MARCHF1: variants seen among roughly 807,000 people sequenced by gnomAD.
MARCHF1 encodes the protein E3 ubiquitin-protein ligase MARCHF1.
A neutral mutation model predicts 54.2 loss-of-function variants in MARCHF1; 40 were observed. The ratio of observed to expected loss-of-function variants is 0.74; its 90% CI spans 0.57 to 0.96. The LOEUF (loss-of-function observed/expected upper bound fraction) is 0.96. MARCHF1 is among the 40% of genes least tolerant of loss of function. The pLI, the probability that MARCHF1 is intolerant of heterozygous loss-of-function variation, is 0.00. For synonymous variants in MARCHF1, 236 were observed against 236.3 expected, an observed-to-expected ratio of 1.00 and a Z score of 0.01; for missense variants, 586 against 656.5, an observed-to-expected ratio of 0.89 and a Z score of 1.17.
chr4:163,774,157 TTA>T (rs1436798616), intron 4 of MARCHF1, among the ~76,000 whole-genome samples: 1 of 152,194 alleles, frequency 6.6e-6, no homozygotes, highest in Non-Finnish European at 1.5e-5. Context: ...GCATATCCTC[TTA>T]TATATTTAAA....
At chr4:164,356,547 A>G (rs1730543630) in intron 1 of MARCHF1, among the ~76,000 whole-genome samples, 2 of 131,118 alleles carry the variant, frequency 1.5e-5, no homozygotes, top group Admixed American at 7.7e-5. Context: ...ATTCTCACTC[A>G]TAGGTGGGAA....
rs780920282 is a variant in MARCHF1 at position 164,360,971 on chromosome 4, A to T, written c.-323+22899T>A. On this transcript the variant is annotated intron_variant, in intron 1 of 9. Transcript: ENST00000514618. ...GCATGGGTTCTGTATGCAGAATTTT[A>T]AAATTACATACACAACACTGTACCA... 4.5e-3 allele frequency among the ~76,000 whole-genome samples: 248 copies of T among 54,762 alleles called. 1 individual carries two copies. Among genetic ancestry groups the T allele is most frequent in the Non-Finnish European group, 0.012 (211 of 17,630 alleles). The allele number at this position is 54,762 out of a possible 152,430, so 35.9% of individuals were successfully genotyped here.
At chr4:164,135,155 T>C (rs1456149272) in intron 1 of MARCHF1, among the ~76,000 whole-genome samples, 2 of 152,210 alleles carry the variant, frequency 1.3e-5, no homozygotes, top group Non-Finnish European at 2.9e-5. Flanking sequence ...TTAGAAATAC[T>C]GGAGACACAC....
intron 4 of MARCHF1, among the ~76,000 whole-genome samples, chr4:163,820,167 G>GT (rs1226165989): frequency 2.0e-5 from 3 of 152,060 alleles, no homozygotes; most frequent in South Asian, 2.1e-4. Context: ...CACTGAAATA[G>GT]TTTTTTTGTG....
At chr4:163,785,663 A>G (rs182486453) in intron 4 of MARCHF1, among the ~76,000 whole-genome samples, 67 of 152,196 alleles carry the variant, frequency 4.4e-4, no homozygotes, top group African/African-American at 1.5e-3. Flanking sequence ...AGAATAATAT[A>G]TAATAGCTAA....
intron 8 of MARCHF1, among the ~76,000 whole-genome samples, chr4:163,558,249 A>C (rs1739355532): frequency 6.6e-6 from 1 of 152,188 alleles, no homozygotes; most frequent in East Asian, 1.9e-4. Context: ...ATGTGCAGGG[A>C]GAAGTAGAAA....
At chr4:163,608,557 A>T (rs1360375441) in intron 7 of MARCHF1, among the ~76,000 whole-genome samples, 1 of 152,122 alleles carries the variant, frequency 6.6e-6, no homozygotes, top group African/African-American at 2.4e-5. Flanking sequence ...CCTTTTAATT[A>T]AATGCAATTC....
chr4:163,551,998 G>T (rs147053780), intron 8 of MARCHF1, among the ~76,000 whole-genome samples: 44 of 152,196 alleles, frequency 2.9e-4, no homozygotes, highest in African/African-American at 6.5e-4. Flanking sequence ...GTACATGAAG[G>T]CTTTCTTACT....
intron 2 of MARCHF1, among the ~76,000 whole-genome samples, chr4:164,002,390 C>A (rs1753202673): frequency 6.6e-6 from 1 of 151,274 alleles, no homozygotes. Context: ...AAAAGAACAA[C>A]ATGGAACTTT....
At chr4:163,607,570 C>T (rs1483352562) in intron 7 of MARCHF1, among the ~76,000 whole-genome samples, 1 of 152,008 alleles carries the variant, frequency 6.6e-6, no homozygotes, top group East Asian at 1.9e-4. Flanking sequence ...GGTGACACAA[C>T]CCATGCTATA....
chr4:163,961,139 T>C (rs1200506406), intron 3 of MARCHF1, among the ~76,000 whole-genome samples: 2 of 151,980 alleles, frequency 1.3e-5, no homozygotes, highest in East Asian at 3.9e-4. Context: ...TAGGGGGTTA[T>C]GGAACCAAAT....
intron 1 of MARCHF1, among the ~76,000 whole-genome samples, chr4:164,284,426 C>G (rs948023718): frequency 6.6e-6 from 1 of 150,596 alleles, no homozygotes; most frequent in Admixed American, 6.8e-5. Flanking sequence ...ATAGGACGCC[C>G]TATAGTGTTT....
chr4:163,804,211 C>T (rs761382358), intron 4 of MARCHF1, among the ~76,000 whole-genome samples: 7 of 152,168 alleles, frequency 4.6e-5, no homozygotes, highest in Non-Finnish European at 7.3e-5. Context: ...TAATAAGCAA[C>T]CACCATCTAG....
chr4:164,228,389 T>A (rs948802613), intron 1 of MARCHF1, among the ~76,000 whole-genome samples: 1 of 152,206 alleles, frequency 6.6e-6, no homozygotes, highest in East Asian at 1.9e-4. Flanking sequence ...TGGAAGGTTA[T>A]AATAAGTAGC....
At chr4:163,672,246 A>C (rs1743762456) in intron 5 of MARCHF1, among the ~76,000 whole-genome samples, 1 of 152,172 alleles carries the variant, frequency 6.6e-6, no homozygotes, top group East Asian at 1.9e-4. Flanking sequence ...TTTTCCCTCT[A>C]AACTATGTAT....
intron 8 of MARCHF1, among the ~76,000 whole-genome samples, chr4:163,559,820 A>G (rs1739409108): frequency 6.6e-6 from 1 of 152,148 alleles, no homozygotes; most frequent in Non-Finnish European, 1.5e-5. Flanking sequence ...AGTGTGGACA[A>G]TGCCTTCTAC....
chr4:164,054,234 C>G (rs1259956569), intron 2 of MARCHF1, among the ~76,000 whole-genome samples: 1 of 151,954 alleles, frequency 6.6e-6, no homozygotes, highest in Non-Finnish European at 1.5e-5. Context: ...GATACCATCT[C>G]ACACCAGTTA....
intron 3 of MARCHF1, among the ~76,000 whole-genome samples, chr4:163,888,823 A>C (rs1368637933): frequency 6.6e-6 from 1 of 152,078 alleles, no homozygotes; most frequent in Non-Finnish European, 1.5e-5. Flanking sequence ...CATCTCTCTT[A>C]TGTCCCTATC....
intron 4 of MARCHF1, among the ~76,000 whole-genome samples, chr4:163,773,426 G>T (rs1185785279): frequency 1.3e-5 from 2 of 152,192 alleles, no homozygotes; most frequent in Non-Finnish European, 2.9e-5. Context: ...TAAATAGATG[G>T]ATGATACCAC....
Sources: gnomAD v4.1 joint callset for allele counts (sites outside exome capture counted in the v4.1 genomes callset) on GRCh38, gnomAD v4.1.1 for gene constraint, MANE v1.5 for transcripts, NCBI Gene and HGNC (gene_info 2026-07-23, HGNC 2026-07-21) for gene names.